KIAA1217: variants seen among roughly 807,000 people sequenced by gnomAD.
KIAA1217 encodes the protein sickle tail protein homolog.
In KIAA1217, 88 loss-of-function variants were observed where a neutral mutation model predicts 163.9. The observed-to-expected ratio is 0.54, with a 90% confidence interval of 0.45 to 0.64. The LOEUF is 0.64. Ranked by LOEUF, KIAA1217 falls within the 30% of genes least tolerant of loss-of-function variation. The pLI, the probability that KIAA1217 is intolerant of heterozygous loss-of-function variation, is 0.00. For missense variants in KIAA1217, 2,372 were observed against 2,475.0 expected, an observed-to-expected ratio of 0.96 and a Z score of 0.88; for synonymous variants, 903 against 923.1, an observed-to-expected ratio of 0.98 and a Z score of 0.39.
At chr10:24,220,856 A>C (rs2069531819) in intron 2 of KIAA1217, among the ~76,000 whole-genome samples, 1 of 143,452 alleles carries the variant, frequency 7.0e-6, no homozygotes, top group Non-Finnish European at 1.5e-5. Flanking sequence ...GAAATCCTGC[A>C]CTCAAGATCC....
At chr10:24,366,542 C>G (rs899994426) in intron 2 of KIAA1217, among the ~76,000 whole-genome samples, 1 of 152,228 alleles carries the variant, frequency 6.6e-6, no homozygotes, top group East Asian at 1.9e-4. Context: ...CAAAGGCACA[C>G]TCCAGGGTCC....
intron 1 of KIAA1217, among the ~76,000 whole-genome samples, chr10:23,952,413 G>A (rs1027451226): frequency 3.9e-5 from 6 of 152,132 alleles, no homozygotes; most frequent in South Asian, 2.1e-4. Flanking sequence ...AAAGGTAGCC[G>A]GATTTAATCT....
intron 5 of KIAA1217, among the ~76,000 whole-genome samples, chr10:24,452,517 CA>C (rs879925996): frequency 0.062 from 7,666 of 123,416 alleles, 590 homozygotes; most frequent in African/African-American, 0.19. Flanking sequence ...ACTTAAAATA[CA>C]AAAAAAAAAA....
chr10:24,261,242 A>G (rs1237392362), intron 2 of KIAA1217, among the ~76,000 whole-genome samples: 1 of 152,090 alleles, frequency 6.6e-6, no homozygotes, highest in Admixed American at 6.5e-5. Flanking sequence ...TCATGACTCT[A>G]ATTACAGCAC....
At chr10:23,777,262 G>T (rs1207680244) in intron 1 of KIAA1217, among the ~76,000 whole-genome samples, 1 of 152,058 alleles carries the variant, frequency 6.6e-6, no homozygotes, top group Non-Finnish European at 1.5e-5. Flanking sequence ...ATACAAGCCT[G>T]GTTTATGTGT....
At chr10:23,818,637 C>T (rs563616404) in intron 1 of KIAA1217, among the ~76,000 whole-genome samples, 1 of 152,186 alleles carries the variant, frequency 6.6e-6, no homozygotes, top group African/African-American at 2.4e-5. Context: ...CCCCAGAGCA[C>T]CTTCTTGCTC....
At chr10:24,122,708 A>G (rs2063328221) in intron 2 of KIAA1217, among the ~76,000 whole-genome samples, 1 of 152,096 alleles carries the variant, frequency 6.6e-6, no homozygotes, top group Admixed American at 6.6e-5. Flanking sequence ...AACTTCACTA[A>G]TCAGCTGCAG....
intron 2 of KIAA1217, among the ~76,000 whole-genome samples, chr10:24,310,613 A>C (rs2042576965): frequency 6.6e-6 from 1 of 152,218 alleles, no homozygotes; most frequent in Non-Finnish European, 1.5e-5. Context: ...AAGCAAGATC[A>C]ACAGAACCCA....
intron 1 of KIAA1217, among the ~76,000 whole-genome samples, chr10:23,886,112 G>T (rs901566781): frequency 6.6e-6 from 1 of 151,856 alleles, no homozygotes; most frequent in Non-Finnish European, 1.5e-5. Flanking sequence ...TGTAGGGTCT[G>T]CAGCTGTTAG....
intron 1 of KIAA1217, among the ~76,000 whole-genome samples, chr10:23,911,914 T>C (rs1412148986): frequency 1.3e-5 from 2 of 152,124 alleles, no homozygotes; most frequent in Non-Finnish European, 2.9e-5. Flanking sequence ...TTTCAGATAA[T>C]GATGAACAAT....
intron 2 of KIAA1217, among the ~76,000 whole-genome samples, chr10:24,249,078 T>G (rs894179889): frequency 1.3e-5 from 2 of 152,216 alleles, no homozygotes; most frequent in African/African-American, 4.8e-5. Flanking sequence ...ATACATTCTC[T>G]TAGCACAAAT....
At chr10:23,876,244 C>A (rs1231325003) in intron 1 of KIAA1217, among the ~76,000 whole-genome samples, 1 of 151,768 alleles carries the variant, frequency 6.6e-6, no homozygotes, top group East Asian at 1.9e-4. Context: ...AATGCAAATG[C>A]TGCAGGTTCT....
chr10:24,353,577 G>A (rs2048720895), intron 2 of KIAA1217, among the ~76,000 whole-genome samples: 1 of 152,124 alleles, frequency 6.6e-6, no homozygotes, highest in Non-Finnish European at 1.5e-5. Context: ...CCATATTTAT[G>A]ATGATAAACA....
chr10:23,772,502 C>A (rs1281478534), intron 1 of KIAA1217, among the ~76,000 whole-genome samples: 3 of 152,100 alleles, frequency 2.0e-5, no homozygotes, highest in Non-Finnish European at 2.9e-5. Context: ...TACTTAGGAG[C>A]ACCAGGCATT....
intron 1 of KIAA1217, among the ~76,000 whole-genome samples, chr10:23,707,982 A>G (rs1836998075): frequency 6.6e-6 from 1 of 152,168 alleles, no homozygotes; most frequent in Admixed American, 6.5e-5. Flanking sequence ...GTATTAGTCC[A>G]TTTTCATGCT....
intron 1 of KIAA1217, among the ~76,000 whole-genome samples, chr10:23,765,526 G>A (rs894336030): frequency 6.6e-6 from 1 of 152,032 alleles, no homozygotes; most frequent in African/African-American, 2.4e-5. Context: ...GCATTGACAT[G>A]GTTTGGCTCT....
intron 8 of KIAA1217, among the ~76,000 whole-genome samples, chr10:24,498,598 C>T (rs2067119965): frequency 6.6e-6 from 1 of 152,148 alleles, no homozygotes; most frequent in East Asian, 1.9e-4. Context: ...GCAGGAGGAT[C>T]GCTTGAGGCC....
intron 1 of KIAA1217, among the ~76,000 whole-genome samples, chr10:23,971,094 A>G (rs142168516): frequency 1.3e-5 from 2 of 152,182 alleles, no homozygotes; most frequent in Non-Finnish European, 2.9e-5. Flanking sequence ...CCAGGGTTAA[A>G]TTACTTCTCC....
intron 2 of KIAA1217, among the ~76,000 whole-genome samples, chr10:24,323,350 C>T (rs1016043020): frequency 4.6e-5 from 7 of 152,088 alleles, no homozygotes; most frequent in Non-Finnish European, 8.8e-5. Context: ...TTAATTTATA[C>T]GTATGTACAG....
Sources: allele counts gnomAD v4.1 joint callset (sites outside exome capture counted in the v4.1 genomes callset), GRCh38; gene constraint gnomAD v4.1.1; transcripts MANE v1.5; gene names NCBI Gene and HGNC (gene_info 2026-07-23, HGNC 2026-07-21).